Variants in DPEP1 observed in about 807,000 individuals in gnomAD.
DPEP1 encodes dipeptidase 1, also known as beta-lactamase.
Under a neutral mutation model 42.3 loss-of-function variants are expected in DPEP1, and 50 were observed. The observed-to-expected ratio is 1.18, with a 90% confidence interval of 0.94 to 1.50. The LOEUF (loss-of-function observed/expected upper bound fraction) is 1.50. Among genes scored for constraint, DPEP1 ranks in the 40% most tolerant of loss-of-function variants. The pLI is 0.00. For missense variants in DPEP1, 663 were observed against 553.0 expected, an observed-to-expected ratio of 1.20 and a Z score of -1.99; for synonymous variants, 297 against 234.0, an observed-to-expected ratio of 1.27 and a Z score of -2.46.
Position 89,637,899 on chromosome 16 carries a change from G to A in DPEP1, c.993G>A (p.Arg331=). Residue 331 remains arginine, a synonymous_variant, in exon 10 of 11, where the codon AGG becomes AGA. Coordinates refer to ENST00000690203, the MANE Select transcript of DPEP1 (RefSeq NM_001389466.1). ...YPDLIAELLR[R]NWTEAEVKGA... is the part of the protein sequence containing the mutation. ...ACCTGATCGCTGAGCTGCTCAGGAG[G>A]AACTGGACGGAGGCGGAGGTCAAGG... The A allele has an allele frequency of 1.2e-6, 2 of 1,612,580 alleles. No homozygotes were observed. Among genetic ancestry groups the A allele is most frequent in the Non-Finnish European group, 1.7e-6 (2 of 1,179,796 alleles).
At chr16:89,640,464 G>A, downstream of DPEP1, 1 of 705,706 alleles carries the variant, frequency 1.4e-6, no homozygotes, top group Non-Finnish European at 1.7e-6. Flanking sequence ...CGAGGAGCAG[G>A]GGGCTCCGGG....
downstream of DPEP1, among the ~76,000 whole-genome samples, chr16:89,640,240 G>C (rs1044576413): frequency 3.9e-5 from 6 of 152,316 alleles, no homozygotes; most frequent in East Asian, 1.2e-3. Flanking sequence ...GGGGGTGAGG[G>C]GACTGCCCTC....
intron 1 of DPEP1, among the ~76,000 whole-genome samples, chr16:89,619,997 C>G (rs574240292): frequency 2.7e-5 from 4 of 146,170 alleles, no homozygotes; most frequent in African/African-American, 1.0e-4. Flanking sequence ...TGGCCTCCCC[C>G]CGCCTGCTTG....
At chr16:89,632,836 C>T (rs531135973) in intron 2 of DPEP1, among the ~76,000 whole-genome samples, 1 of 152,238 alleles carries the variant, frequency 6.6e-6, no homozygotes, top group South Asian at 2.1e-4. Context: ...GGTGGGAGGA[C>T]TGCTTGAACC....
chr16:89,622,043 C>T (rs540749230), intron 1 of DPEP1, among the ~76,000 whole-genome samples: 3 of 152,258 alleles, frequency 2.0e-5, no homozygotes, highest in African/African-American at 4.8e-5. Flanking sequence ...ACCTGCGTCT[C>T]GACAGAGCCG....
chr16:89,627,634 A>G (rs931149482), intron 1 of DPEP1, among the ~76,000 whole-genome samples: 1 of 141,954 alleles, frequency 7.0e-6, no homozygotes, highest in Non-Finnish European at 1.5e-5. Context: ...AGGGGAACCC[A>G]GTCTTGGATA....
At chr16:89,618,133 T>C (rs560379961) in intron 1 of DPEP1, among the ~76,000 whole-genome samples, 1 of 152,370 alleles carries the variant, frequency 6.6e-6, no homozygotes, top group South Asian at 2.1e-4. Flanking sequence ...GTGTAATACT[T>C]GGCTTAAATG....
At position 89,636,300 on chromosome 16, in the gene DPEP1, A is replaced by G. The variant is rs2059677838; in HGVS notation, c.274A>G (p.Lys92Glu). ...SVYTPCDTQN[K>E]DAVRRTLEQM... ...GTACACGCCCTGCGACACCCAGAAC[A>G]AAGACGCCGTGCGGAGGACGCTGGA... The change falls in exon 4 of 11, where the codon AAA becomes GAA. Residue 92 changes from lysine (K) to glutamate (E), a missense_variant. Coordinates refer to ENST00000690203, the MANE Select transcript of DPEP1 (RefSeq NM_001389466.1). 1.9e-6 allele frequency: 3 copies of G among 1,611,832 alleles called. No individual in the cohort carries two copies. The highest frequency in any genetic ancestry group is 1.7e-5 in the Admixed American group (1 of 59,878).
At chr16:89,628,351 G>A (rs1195125462) in intron 1 of DPEP1, among the ~76,000 whole-genome samples, 3 of 148,722 alleles carry the variant, frequency 2.0e-5, no homozygotes, top group South Asian at 2.1e-4. Context: ...TCCACCTCCC[G>A]GATTCAAGCG....
intron 1 of DPEP1, among the ~76,000 whole-genome samples, chr16:89,618,752 C>T (rs1041384553): frequency 1.3e-5 from 2 of 152,032 alleles, no homozygotes; most frequent in African/African-American, 4.8e-5. Context: ...TGCACTGTTC[C>T]CCGGGCAAAG....
intron 1 of DPEP1, among the ~76,000 whole-genome samples, chr16:89,622,519 C>T (rs1332990479): frequency 1.3e-5 from 2 of 152,182 alleles, no homozygotes; most frequent in Non-Finnish European, 2.9e-5. Context: ...GGCGCAGTGG[C>T]TCACGCCTGT....
chr16:89,618,946 CTGCTCCCCTCCCTG>C (rs2059410871), intron 1 of DPEP1, among the ~76,000 whole-genome samples: 1 of 101,448 alleles, frequency 9.9e-6, no homozygotes, highest in East Asian at 3.6e-4. Context: ...CCCTGCCCCC[CTGCTCCCCTCCCTG>C]CAGCCCCCCT....
chr16:89,637,013 C>T, intron 6 of DPEP1, 78 bp downstream of exon 6: 5 of 1,579,150 alleles, frequency 3.2e-6, no homozygotes, highest in Non-Finnish European at 4.3e-6. Flanking sequence ...AATGCATCTC[C>T]TCACGTGGGA....
chr16:89,617,950 G>A (rs2059398717), intron 1 of DPEP1, among the ~76,000 whole-genome samples: 1 of 152,128 alleles, frequency 6.6e-6, no homozygotes, highest in Non-Finnish European at 1.5e-5. Context: ...CTTGAACCTG[G>A]GAGACGGAGG....
downstream of DPEP1, among the ~76,000 whole-genome samples, chr16:89,640,792 G>A (rs1011919729): frequency 6.6e-6 from 1 of 152,058 alleles, no homozygotes; most frequent in Non-Finnish European, 1.5e-5. Context: ...GGAGACGAGC[G>A]ATCATAGAAA....
intron 1 of DPEP1, among the ~76,000 whole-genome samples, chr16:89,629,730 C>A (rs77816289): frequency 6.6e-6 from 1 of 152,164 alleles, no homozygotes; most frequent in Non-Finnish European, 1.5e-5. Context: ...GTTCTAAGGA[C>A]GTGTCTAGCT....
downstream of DPEP1, among the ~76,000 whole-genome samples, chr16:89,641,383 G>A (rs2059741665): frequency 6.6e-6 from 1 of 152,200 alleles, no homozygotes; most frequent in South Asian, 2.1e-4. Flanking sequence ...CCCTCTAGTG[G>A]CCCTGTCCGG....
chr16:89,618,862 C>T (rs1053495646), intron 1 of DPEP1, among the ~76,000 whole-genome samples: 39 of 151,894 alleles, frequency 2.6e-4, no homozygotes, highest in Non-Finnish European at 4.9e-4. Context: ...TTGCTCTTTA[C>T]GTACGCACAT....
downstream of DPEP1, among the ~76,000 whole-genome samples, chr16:89,640,099 G>A (rs555227447): frequency 6.6e-5 from 10 of 152,378 alleles, no homozygotes; most frequent in South Asian, 1.9e-3. Context: ...GAGCTGCCCA[G>A]CACCAGGTCC....
Sources: allele counts gnomAD v4.1 joint callset (sites outside exome capture counted in the v4.1 genomes callset), GRCh38; gene constraint gnomAD v4.1.1; transcripts MANE v1.5; gene names NCBI Gene and HGNC (gene_info 2026-07-23, HGNC 2026-07-21).